Variants in KHDRBS3 observed in about 807,000 individuals in gnomAD.
KHDRBS3 encodes the protein KH RNA binding domain containing, signal transduction associated 3.
In KHDRBS3, 23 loss-of-function variants were observed where a neutral mutation model predicts 45.6. That is an observed-to-expected ratio of 0.50 (90% CI 0.36 to 0.72). The LOEUF is 0.72. Ranked by LOEUF, KHDRBS3 falls within the 30% of genes least tolerant of loss-of-function variation. The probability of loss-of-function intolerance (pLI) is 0.00; values close to 1 mark genes in which losing one functional copy is unlikely to be tolerated. For missense variants in KHDRBS3, 352 were observed against 424.8 expected (o/e 0.83, Z 1.51); for synonymous variants, 162 against 156.5 (o/e 1.04, Z -0.26).
chr8:135,607,089 A>G (rs762237292), intron 7 of KHDRBS3, 52 bp downstream of exon 7: 2 of 1,376,804 alleles, frequency 1.5e-6, no homozygotes, highest in East Asian at 4.6e-5. Flanking sequence ...ATCCCCTTCC[A>G]CATTCATATA....
chr8:135,555,967 T>C (rs763213235), intron 4 of KHDRBS3, among the ~76,000 whole-genome samples: 2 of 152,172 alleles, frequency 1.3e-5, no homozygotes, highest in South Asian at 2.1e-4. Flanking sequence ...CTCCCACTTA[T>C]GAGTGAGAAC....
At chr8:135,555,311 G>A (rs1306936966) in intron 4 of KHDRBS3, among the ~76,000 whole-genome samples, 1 of 151,972 alleles carries the variant, frequency 6.6e-6, no homozygotes, top group African/African-American at 2.4e-5. Flanking sequence ...TGTGGCCCAG[G>A]AAGGCTTTGA....
chr8:135,635,329 G>A lies in KHDRBS3; in HGVS notation c.891-9730G>A, dbSNP rs114038362. Among the ~76,000 whole-genome samples the A allele has an allele frequency of 5.9e-3, 902 of 152,238 alleles. 4 individuals are homozygous for A. The highest frequency in any genetic ancestry group is 0.017 in the Middle Eastern group (5 of 294). ...AAAGCAGCCCTTTCAAATAATAGACGATATTCTTCTTTGATACGACATCAA... is the reference window on the plus strand; with the variant it reads ...AAAGCAGCCCTTTCAAATAATAGACAATATTCTTCTTTGATACGACATCAA... On this transcript the variant is annotated intron_variant, in intron 7 of 8. Transcript: ENST00000355849.
chr8:135,604,518 G>GT lies in KHDRBS3; in HGVS notation c.808-2427dup, dbSNP rs200421221. Among the ~76,000 whole-genome samples the GT allele has an allele frequency of 3.3e-3, 481 of 144,094 alleles. 1 individual carries two copies. Among genetic ancestry groups the GT allele is most frequent in the Admixed American group, 7.4e-3 (108 of 14,564 alleles). 94.5% of individuals were successfully genotyped at this position (144,094 alleles called of 152,430 possible). A position where few individuals can be genotyped will look rare whatever the true frequency, so the allele number is the denominator to read the frequency against. Reference sequence around the variant, plus strand: ...CTTACTTCCTTCTTTTGTGTTAAATGTTTTTTTTTTCACTGCACTGCTTTA... The same window carrying GT: ...CTTACTTCCTTCTTTTGTGTTAAATGTTTTTTTTTTTCACTGCACTGCTTTA... On this transcript the variant is annotated intron_variant, in intron 6 of 8. Coordinates refer to ENST00000355849, the MANE Select transcript of KHDRBS3 (RefSeq NM_006558.3).
chr8:135,486,881 A>G (rs553816699), intron 1 of KHDRBS3, among the ~76,000 whole-genome samples: 17 of 152,358 alleles, frequency 1.1e-4, no homozygotes, highest in African/African-American at 3.8e-4. Flanking sequence ...TTAAAACAAT[A>G]TATCTGATGA....
At chr8:135,563,110 A>G (rs971229450) in intron 5 of KHDRBS3, among the ~76,000 whole-genome samples, 3 of 152,152 alleles carry the variant, frequency 2.0e-5, no homozygotes, top group African/African-American at 7.2e-5. Flanking sequence ...ATGTGATCTT[A>G]TATCTTCCAT....
At chr8:135,571,794 C>A (rs1017643988) in intron 5 of KHDRBS3, among the ~76,000 whole-genome samples, 3 of 152,158 alleles carry the variant, frequency 2.0e-5, no homozygotes, top group African/African-American at 7.2e-5. Context: ...TCACCCCTAA[C>A]TCTTACTCAC....
intron 5 of KHDRBS3, among the ~76,000 whole-genome samples, chr8:135,575,390 T>A (rs1827904585): frequency 6.6e-6 from 1 of 152,228 alleles, no homozygotes; most frequent in South Asian, 2.1e-4. Flanking sequence ...TGCACAGCGA[T>A]GCCACACTGT....
chr8:135,628,522 G>A (rs12156386), intron 7 of KHDRBS3, among the ~76,000 whole-genome samples: 55,070 of 152,106 alleles, frequency 0.36, 12,106 homozygotes, highest in South Asian at 0.53. Context: ...TTTTAAAGAC[G>A]AAAGATAAAT....
intron 7 of KHDRBS3, among the ~76,000 whole-genome samples, chr8:135,633,835 A>C (rs1467500337): frequency 6.6e-6 from 1 of 152,184 alleles, no homozygotes; most frequent in Non-Finnish European, 1.5e-5. Flanking sequence ...CTGCCACCAG[A>C]GTGGTGTGTT....
At chr8:135,459,306 G>A (rs899727424) in intron 1 of KHDRBS3, among the ~76,000 whole-genome samples, 1 of 152,170 alleles carries the variant, frequency 6.6e-6, no homozygotes. Flanking sequence ...AAGAATTTAA[G>A]AATATTTGAA....
intron 7 of KHDRBS3, among the ~76,000 whole-genome samples, chr8:135,629,506 A>C (rs1276415454): frequency 1.3e-5 from 2 of 152,198 alleles, no homozygotes; most frequent in Non-Finnish European, 1.5e-5. Context: ...TAAAAGATTT[A>C]ACTGCCTGCC....
At chr8:135,630,232 G>T (rs1001701980) in intron 7 of KHDRBS3, among the ~76,000 whole-genome samples, 3 of 152,090 alleles carry the variant, frequency 2.0e-5, no homozygotes, top group Admixed American at 2.0e-4. Context: ...TGGTGGTCTG[G>T]GTTTCAGCAG....
At chr8:135,610,139 A>ATGC (rs1256708775) in intron 7 of KHDRBS3, among the ~76,000 whole-genome samples, 4 of 151,934 alleles carry the variant, frequency 2.6e-5, no homozygotes. Flanking sequence ...GCCCTATTAA[A>ATGC]TGCTGTGATC....
intron 1 of KHDRBS3, among the ~76,000 whole-genome samples, chr8:135,501,513 T>C (rs1461280393): frequency 6.6e-6 from 1 of 152,208 alleles, no homozygotes; most frequent in Admixed American, 6.5e-5. Context: ...TTAAGATATC[T>C]GAATACATTT....
intron 7 of KHDRBS3, chr8:135,625,374 G>A (rs1830313034): frequency 2.3e-6 from 2 of 861,558 alleles, no homozygotes; most frequent in African/African-American, 1.7e-5. Flanking sequence ...TCAACGGTAA[G>A]TTTCAATACA....
intron 7 of KHDRBS3, among the ~76,000 whole-genome samples, chr8:135,609,605 A>G (rs922546069): frequency 3.3e-5 from 5 of 151,892 alleles, no homozygotes; most frequent in African/African-American, 1.2e-4. Flanking sequence ...TACCTTTTTG[A>G]AAATTAAAAA....
intron 2 of KHDRBS3, among the ~76,000 whole-genome samples, chr8:135,532,974 G>A (rs1275839649): frequency 3.3e-5 from 5 of 152,072 alleles, no homozygotes; most frequent in South Asian, 4.1e-4. Context: ...AATGTAAAAC[G>A]GAGGATATAA....
chr8:135,496,869 C>T (rs529457198), intron 1 of KHDRBS3, among the ~76,000 whole-genome samples: 6 of 152,272 alleles, frequency 3.9e-5, no homozygotes, highest in Admixed American at 2.0e-4. Flanking sequence ...GTTGCTTGCC[C>T]GTAGCTTGCC....
Sources: gnomAD v4.1 joint callset for allele counts (sites outside exome capture counted in the v4.1 genomes callset) on GRCh38, gnomAD v4.1.1 for gene constraint, MANE v1.5 for transcripts, NCBI Gene and HGNC (gene_info 2026-07-23, HGNC 2026-07-21) for gene names.